CADM2: variants seen among roughly 807,000 people sequenced by gnomAD.
CADM2 encodes cell adhesion molecule 2.
A neutral mutation model predicts 49.8 loss-of-function variants in CADM2; 12 were observed. That is an observed-to-expected ratio of 0.24 (90% CI 0.15 to 0.39). The LOEUF is 0.39. CADM2 is among the 10% of genes least tolerant of loss of function. The probability of loss-of-function intolerance (pLI) is 1.00; values close to 1 mark genes in which losing one functional copy is unlikely to be tolerated. For synonymous variants in CADM2, 214 were observed against 175.4 expected, an observed-to-expected ratio of 1.22 and a Z score of -1.74; for missense variants, 378 against 492.3, an observed-to-expected ratio of 0.77 and a Z score of 2.20.
chr3:85,009,496 C>T (rs1228160699), intron 1 of CADM2, among the ~76,000 whole-genome samples: 1 of 152,128 alleles, frequency 6.6e-6, no homozygotes, highest in African/African-American at 2.4e-5. Context: ...TACATTGATT[C>T]CAATTACCTA....
intron 1 of CADM2, among the ~76,000 whole-genome samples, chr3:85,496,580 A>G (rs2039910327): frequency 6.6e-6 from 1 of 152,176 alleles, no homozygotes; most frequent in South Asian, 2.1e-4. Flanking sequence ...GCTAGGTCAA[A>G]TGGAGGTTCT....
chr3:85,937,250 G>A (rs961126903), intron 7 of CADM2, among the ~76,000 whole-genome samples: 8 of 151,694 alleles, frequency 5.3e-5, no homozygotes, highest in Non-Finnish European at 1.0e-4. Flanking sequence ...AATAATCTTG[G>A]ATGTGTAATA....
chr3:85,600,973 C>T (rs1010968983), intron 1 of CADM2, among the ~76,000 whole-genome samples: 1 of 150,306 alleles, frequency 6.7e-6, no homozygotes, highest in African/African-American at 2.4e-5. Context: ...AACGAGAACA[C>T]AGGAGATGTA....
chr3:84,999,994 G>A (rs1041948001), intron 1 of CADM2, among the ~76,000 whole-genome samples: 5 of 152,048 alleles, frequency 3.3e-5, no homozygotes, highest in African/African-American at 1.2e-4. Flanking sequence ...TATTTCTGAA[G>A]AATTTACATC....
intron 1 of CADM2, among the ~76,000 whole-genome samples, chr3:85,418,075 T>C (rs1014480311): frequency 1.3e-5 from 2 of 152,148 alleles, no homozygotes; most frequent in African/African-American, 4.8e-5. Context: ...TTTCAGTAAA[T>C]ATCAAGCCTC....
chr3:85,233,543 A>G lies in CADM2; in HGVS notation c.61+273875A>G, dbSNP rs560824731. ...GCAGAAAACTTAAAGCTATTCTAAAAAAGTAAAATATATTAAAATAGTTAG... is the reference window on the plus strand; with the variant it reads ...GCAGAAAACTTAAAGCTATTCTAAAGAAGTAAAATATATTAAAATAGTTAG... On this transcript the variant is annotated intron_variant, in intron 1 of 9. Coordinates refer to ENST00000383699, the MANE Select transcript of CADM2 (RefSeq NM_001167675.2). Among the ~76,000 whole-genome samples, 44 of 152,292 alleles carry G rather than the reference A, an allele frequency of 2.9e-4. 1 individual carries two copies. Among genetic ancestry groups the G allele is most frequent in the Admixed American group, 2.9e-3 (44 of 15,286 alleles).
intron 1 of CADM2, among the ~76,000 whole-genome samples, chr3:85,359,973 T>G (rs1283152378): frequency 6.6e-6 from 1 of 151,734 alleles, no homozygotes; most frequent in African/African-American, 2.4e-5. Context: ...AATCATTTTT[T>G]CCACAATGCC....
intron 1 of CADM2, among the ~76,000 whole-genome samples, chr3:85,028,357 A>G (rs2034825944): frequency 6.6e-6 from 1 of 152,174 alleles, no homozygotes; most frequent in Non-Finnish European, 1.5e-5. Flanking sequence ...GGGATCAATA[A>G]TGAATGCATG....
intron 2 of CADM2, among the ~76,000 whole-genome samples, chr3:85,772,272 T>C (rs1476399259): frequency 6.6e-6 from 1 of 152,058 alleles, no homozygotes; most frequent in Non-Finnish European, 1.5e-5. Context: ...GACTTTTTTC[T>C]TTTTACTAAA....
intron 1 of CADM2, among the ~76,000 whole-genome samples, chr3:85,572,464 A>G (rs2062508764): frequency 6.6e-6 from 1 of 152,122 alleles, no homozygotes; most frequent in Non-Finnish European, 1.5e-5. Flanking sequence ...ACAGAGAGAG[A>G]CAGAGAGAGG....
At chr3:85,399,974 T>A (rs1159444202) in intron 1 of CADM2, among the ~76,000 whole-genome samples, 1 of 152,176 alleles carries the variant, frequency 6.6e-6, no homozygotes, top group African/African-American at 2.4e-5. Context: ...TTCTCCTGCC[T>A]GATTCACTAT....
Position 85,961,666 on chromosome 3 carries a change from A to C in CADM2, c.970+19A>C. 1 of 1,506,708 alleles carries C rather than the reference A, an allele frequency of 6.6e-7. No individual in the cohort carries two copies. The highest frequency in any genetic ancestry group is 1.3e-5 in the South Asian group (1 of 74,730). 93.3% of individuals were successfully genotyped at this position (1,506,708 alleles called of 1,614,324 possible). A position where few individuals can be genotyped will look rare whatever the true frequency, so the allele number is the denominator to read the frequency against. ...GTGCATGGTGAGTAAATTTTGGAAA[A>C]CATTATATGTGAAAGGATGCATAAC... On this transcript the variant is annotated intron_variant, in intron 8 of 9. Coordinates refer to ENST00000383699, the MANE Select transcript of CADM2 (RefSeq NM_001167675.2).
At chr3:85,183,448 G>A (rs553283951) in intron 1 of CADM2, among the ~76,000 whole-genome samples, 13 of 151,998 alleles carry the variant, frequency 8.6e-5, no homozygotes, top group East Asian at 7.7e-4. Flanking sequence ...AAAAAAACAC[G>A]CAATATGTTC....
intron 8 of CADM2, among the ~76,000 whole-genome samples, chr3:86,009,519 T>C (rs1027083807): frequency 2.0e-5 from 3 of 151,686 alleles, no homozygotes; most frequent in Non-Finnish European, 1.5e-5. Flanking sequence ...TGAAATCGTA[T>C]TTTGTTAAAA....
At chr3:85,871,817 G>T (rs1029948237) in intron 3 of CADM2, among the ~76,000 whole-genome samples, 18 of 152,088 alleles carry the variant, frequency 1.2e-4, no homozygotes, top group African/African-American at 3.9e-4. Context: ...TTGAGCACAT[G>T]GTTGGTAGGC....
intron 1 of CADM2, among the ~76,000 whole-genome samples, chr3:85,300,183 G>T (rs528024114): frequency 6.6e-6 from 1 of 151,992 alleles, no homozygotes; most frequent in Non-Finnish European, 1.5e-5. Flanking sequence ...AGCTATAACT[G>T]AGTGTCTGAG....
chr3:85,150,150 C>T (rs2039878077), intron 1 of CADM2, among the ~76,000 whole-genome samples: 1 of 152,132 alleles, frequency 6.6e-6, no homozygotes, highest in South Asian at 2.1e-4. Context: ...TGAATTTGCA[C>T]AGGGAATTAA....
At chr3:85,016,624 C>A (rs1320281370) in intron 1 of CADM2, among the ~76,000 whole-genome samples, 1 of 151,942 alleles carries the variant, frequency 6.6e-6, no homozygotes, top group Non-Finnish European at 1.5e-5. Context: ...GAAACCCTGC[C>A]TCTACTGAAA....
chr3:85,154,794 T>G (rs368597922), intron 1 of CADM2, among the ~76,000 whole-genome samples: 6,318 of 127,138 alleles, frequency 0.05, 31 homozygotes, highest in African/African-American at 0.2. Context: ...TCAACATTCT[T>G]AAAGAAAAGA....
Sources: gnomAD v4.1 joint callset for allele counts (sites outside exome capture counted in the v4.1 genomes callset) on GRCh38, gnomAD v4.1.1 for gene constraint, MANE v1.5 for transcripts, NCBI Gene and HGNC (gene_info 2026-07-23, HGNC 2026-07-21) for gene names.